SMYD3: variants seen among roughly 807,000 people sequenced by gnomAD.
SMYD3 encodes the protein SET and MYND domain containing 3.
A neutral mutation model predicts 57.7 loss-of-function variants in SMYD3; 36 were observed. The ratio of observed to expected loss-of-function variants is 0.62; its 90% confidence interval spans 0.48 to 0.82. SMYD3 has a LOEUF of 0.82. Among genes scored for constraint, SMYD3 ranks in the 40% least tolerant of loss-of-function variants. SMYD3 has a pLI of 0.00. For synonymous variants in SMYD3, 211 were observed against 195.0 expected, an observed-to-expected ratio of 1.08 and a Z score of -0.68; for missense variants, 515 against 538.8, an observed-to-expected ratio of 0.96 and a Z score of 0.44.
chr1:246,167,541 C>T (rs539095853), intron 5 of SMYD3, among the ~76,000 whole-genome samples: 7 of 147,064 alleles, frequency 4.8e-5, no homozygotes, highest in Non-Finnish European at 1.0e-4. Flanking sequence ...GACGGAGTCT[C>T]GCTCTGTGGC....
At chr1:245,836,319 C>T (rs1008692542) in intron 10 of SMYD3, among the ~76,000 whole-genome samples, 3 of 152,184 alleles carry the variant, frequency 2.0e-5, no homozygotes, top group African/African-American at 7.2e-5. Flanking sequence ...TCTGAAAACC[C>T]GCATCCCTGT....
At chr1:246,169,772 C>T (rs886876565) in intron 5 of SMYD3, among the ~76,000 whole-genome samples, 3 of 151,998 alleles carry the variant, frequency 2.0e-5, no homozygotes, top group African/African-American at 7.2e-5. Context: ...GGCATTGTGG[C>T]ACAAGCCTAT....
chr1:245,951,619 G>A (rs1007547324), intron 5 of SMYD3, among the ~76,000 whole-genome samples: 24 of 146,550 alleles, frequency 1.6e-4, no homozygotes, highest in Admixed American at 1.0e-3. Flanking sequence ...TACCTCCTAC[G>A]AGTCTGACTG....
chr1:246,427,789 G>C (rs1388464616), intron 1 of SMYD3, among the ~76,000 whole-genome samples: 1 of 152,164 alleles, frequency 6.6e-6, no homozygotes, highest in South Asian at 2.1e-4. Context: ...AGGAGGTTGA[G>C]GCTGCGATGA....
chr1:245,955,922 G>A, intron 5 of SMYD3: 1 of 968,762 alleles, frequency 1.0e-6, no homozygotes, highest in Non-Finnish European at 1.2e-6. Flanking sequence ...ATTCATTTAT[G>A]TTGATGCATG....
intron 1 of SMYD3, among the ~76,000 whole-genome samples, chr1:246,368,674 G>A (rs1292917572): frequency 6.6e-6 from 1 of 152,170 alleles, no homozygotes; most frequent in African/African-American, 2.4e-5. Context: ...ATTTGAGTCA[G>A]TGGACTGGGA....
chr1:245,985,888 A>G (rs1435911826), intron 5 of SMYD3, among the ~76,000 whole-genome samples: 1 of 152,076 alleles, frequency 6.6e-6, no homozygotes, highest in Non-Finnish European at 1.5e-5. Flanking sequence ...TCCACTTGAA[A>G]CCTGCCTCCA....
At chr1:246,142,336 A>C (rs1301304190) in intron 5 of SMYD3, among the ~76,000 whole-genome samples, 1 of 152,192 alleles carries the variant, frequency 6.6e-6, no homozygotes, top group Non-Finnish European at 1.5e-5. Context: ...TGTAGATCTT[A>C]GCAACCTCAG....
At chr1:246,097,705 G>A (rs1461149983) in intron 5 of SMYD3, among the ~76,000 whole-genome samples, 1 of 151,578 alleles carries the variant, frequency 6.6e-6, no homozygotes, top group Non-Finnish European at 1.5e-5. Flanking sequence ...CTTCTGCTTC[G>A]TGACCAACTC....
At chr1:246,226,424 A>G (rs1274790812) in intron 5 of SMYD3, among the ~76,000 whole-genome samples, 2 of 152,250 alleles carry the variant, frequency 1.3e-5, no homozygotes, top group African/African-American at 4.8e-5. Context: ...GAGACCTAAG[A>G]TATATTTTCA....
chr1:245,984,595 T>G lies in SMYD3; in HGVS notation c.532-54658A>C, dbSNP rs538469450. ...TGAGCTCCAAACCCAGAGTTTCTAA[T>G]TGAGTAATCTGAAGTAAGGACTGGT... is the stretch of plus-strand genomic sequence containing the variant. On this transcript the variant is annotated intron_variant, in intron 5 of 11. Transcript: ENST00000490107. Among the ~76,000 whole-genome samples the G allele has an allele frequency of 3.9e-5, 6 of 152,252 alleles. 1 individual carries two copies. In the South Asian group the frequency reaches 1.2e-3, roughly 32 times the overall value.
chr1:245,752,361 T>C (rs1331519353), intron 11 of SMYD3, among the ~76,000 whole-genome samples: 1 of 152,198 alleles, frequency 6.6e-6, no homozygotes, highest in Non-Finnish European at 1.5e-5. Context: ...CCTGGCCTTG[T>C]TGCTCAGAAT....
At chr1:246,454,792 G>T (rs1403770786) in intron 1 of SMYD3, among the ~76,000 whole-genome samples, 1 of 152,106 alleles carries the variant, frequency 6.6e-6, no homozygotes, top group Admixed American at 6.5e-5. Context: ...CTTATATAAA[G>T]CAACAGGACT....
chr1:246,363,665 G>T (rs1311623466), intron 1 of SMYD3, among the ~76,000 whole-genome samples: 1 of 152,132 alleles, frequency 6.6e-6, no homozygotes. Flanking sequence ...GTCCACTCAG[G>T]GTTGAATGGA....
At chr1:245,933,885 C>A (rs1199367936) in intron 5 of SMYD3, among the ~76,000 whole-genome samples, 2 of 152,182 alleles carry the variant, frequency 1.3e-5, no homozygotes, top group Admixed American at 6.5e-5. Flanking sequence ...TAAGCAAACT[C>A]ACAACCAATC....
intron 5 of SMYD3, among the ~76,000 whole-genome samples, chr1:246,264,349 G>T (rs2064065490): frequency 6.6e-6 from 1 of 152,142 alleles, no homozygotes; most frequent in African/African-American, 2.4e-5. Flanking sequence ...TATGGTAATT[G>T]ATTAAAACAA....
At chr1:246,173,013 A>G (rs1220428111) in intron 5 of SMYD3, among the ~76,000 whole-genome samples, 1 of 150,560 alleles carries the variant, frequency 6.6e-6, no homozygotes, top group Non-Finnish European at 1.5e-5. Context: ...GGCCTAGAAC[A>G]CTCACTGTAC....
At chr1:245,837,962 G>A (rs926383222) in intron 10 of SMYD3, among the ~76,000 whole-genome samples, 1 of 152,220 alleles carries the variant, frequency 6.6e-6, no homozygotes, top group Non-Finnish European at 1.5e-5. Flanking sequence ...CACCTCTGCA[G>A]GGCAGACATT....
chr1:246,380,683 A>G (rs2066372680), intron 1 of SMYD3, among the ~76,000 whole-genome samples: 1 of 152,242 alleles, frequency 6.6e-6, no homozygotes. Flanking sequence ...TGATGCTACG[A>G]CAGAGGCAGA....
Sources: gnomAD v4.1 joint callset for allele counts (sites outside exome capture counted in the v4.1 genomes callset) on GRCh38, gnomAD v4.1.1 for gene constraint, MANE v1.5 for transcripts, NCBI Gene and HGNC (gene_info 2026-07-23, HGNC 2026-07-21) for gene names.